Variants in ITPR1 observed in about 807,000 individuals in gnomAD.
ITPR1 encodes inositol 1,4,5-trisphosphate receptor type 1.
ITPR1 carries 96 observed loss-of-function variants against 318.4 expected under a neutral mutation model. The observed-to-expected ratio is 0.30, with a 90% CI of 0.26 to 0.36. The LOEUF (loss-of-function observed/expected upper bound fraction) is 0.36, where lower values mean the gene tolerates loss of function less well. ITPR1 is among the 10% of genes least tolerant of loss of function. The pLI, the probability that ITPR1 is intolerant of heterozygous loss-of-function variation, is 1.00. For missense variants in ITPR1, 2,440 were observed against 3,460.2 expected, an observed-to-expected ratio of 0.71 and a Z score of 7.40; for synonymous variants, 1,312 against 1,289.9, an observed-to-expected ratio of 1.02 and a Z score of -0.37.
chr3:4,563,620 C>G (rs141780072), intron 4 of ITPR1, among the ~76,000 whole-genome samples: 1 of 152,172 alleles, frequency 6.6e-6, no homozygotes, highest in African/African-American at 2.4e-5. Flanking sequence ...TGATTTCCTA[C>G]GAAATTGCAG....
chr3:4,668,540 TCACTGCAACCTC>T (rs2094001551), intron 18 of ITPR1, among the ~76,000 whole-genome samples: 1 of 152,038 alleles, frequency 6.6e-6, no homozygotes, highest in African/African-American at 2.4e-5. Context: ...AGATCTCAGC[TCACTGCAACCTC>T]CGCCTCCCGG....
At chr3:4,510,051 G>A (rs755071574) in intron 2 of ITPR1, among the ~76,000 whole-genome samples, 6 of 152,206 alleles carry the variant, frequency 3.9e-5, no homozygotes, top group Admixed American at 1.3e-4. Flanking sequence ...TGTTGGAAAC[G>A]TATAACCCAG....
At chr3:4,721,172 G>GTATATATATA (rs5846332) in intron 40 of ITPR1, among the ~76,000 whole-genome samples, 1,434 of 124,784 alleles carry the variant, frequency 0.011, 24 homozygotes, top group African/African-American at 0.021. Context: ...GTGTGTGCGT[G>GTATATATATA]TATATATATA....
rs979473411 is a variant in ITPR1 at position 4,733,316 on chromosome 3, A to G, written c.5353+96A>G. ...TAACAGGTTGAAATGCTCACAACAG[A>G]TGAATTTGTGTTGCAGGTGTATTTT... On this transcript the variant is annotated intron_variant, in intron 43 of 61. Transcript: ENST00000649015. 1.4e-5 allele frequency: 20 copies of G among 1,420,494 alleles called. No homozygotes were observed. The African/African-American group carries it at 2.1e-4, about 15-fold the overall frequency. The allele number at this position is 1,420,494 out of a possible 1,614,324, so 88.0% of individuals were successfully genotyped here.
At chr3:4,829,501 G>A (rs2106527122) in intron 60 of ITPR1, among the ~76,000 whole-genome samples, 1 of 152,144 alleles carries the variant, frequency 6.6e-6, no homozygotes, top group African/African-American at 2.4e-5. Context: ...ATAAAAGGAT[G>A]ATAATTTTTT....
In ITPR1 at chr3:4,588,318, C is replaced by G. The variant is rs535878834; in HGVS notation, c.164-39445C>G. ...TTGCAGACTTTTTTCTTTGAGTGTA[C>G]TTACGTATGTGCATACCTGTTTCTT... On this transcript the variant is annotated intron_variant, in intron 4 of 61. Transcript: ENST00000649015. 9.2e-4 allele frequency among the ~76,000 whole-genome samples: 140 copies of G among 152,070 alleles called. 1 individual carries two copies. The highest frequency in any genetic ancestry group is 1.0e-3 in the Non-Finnish European group (68 of 67,984).
intron 4 of ITPR1, among the ~76,000 whole-genome samples, chr3:4,589,895 G>T (rs1236701407): frequency 6.6e-6 from 1 of 152,116 alleles, no homozygotes; most frequent in Non-Finnish European, 1.5e-5. Context: ...GCCCCTGCCT[G>T]CCTCTGGAAG....
chr3:4,713,303 A>AT (rs1360160708), intron 39 of ITPR1, among the ~76,000 whole-genome samples: 3 of 152,204 alleles, frequency 2.0e-5, no homozygotes, highest in East Asian at 3.8e-4. Flanking sequence ...ATAAAACCTG[A>AT]TTTTTCAAAT....
intron 4 of ITPR1, among the ~76,000 whole-genome samples, chr3:4,533,297 G>A (rs935446058): frequency 1.3e-5 from 2 of 152,226 alleles, no homozygotes; most frequent in Non-Finnish European, 2.9e-5. Context: ...GATGTCCTGG[G>A]GAGACACTAC....
chr3:4,644,237 A>G lies in ITPR1; in HGVS notation c.624+3A>G. 2 of 1,591,874 alleles carry G rather than the reference A, an allele frequency of 1.3e-6. No individual in the cohort carries two copies. Among genetic ancestry groups the G allele is most frequent in the Non-Finnish European group, 1.7e-6 (2 of 1,165,562 alleles). Reference sequence around the variant, plus strand: ...TAGATAACCCAGGCTGCAATGAGGTAAGGACATTGAGTTATGTGTGTGGGT... The same window carrying G: ...TAGATAACCCAGGCTGCAATGAGGTGAGGACATTGAGTTATGTGTGTGGGT... On this transcript the variant is annotated splice_donor_region_variant and intron_variant, in intron 8 of 61. Transcript: ENST00000649015.
intron 60 of ITPR1, 39 bp from the exon 61 acceptor site, chr3:4,836,735 C>CTT (rs201029025): frequency 2.1e-3 from 2,204 of 1,067,368 alleles, no homozygotes; most frequent in Non-Finnish European, 2.2e-3. Flanking sequence ...GTGACTCAGT[C>CTT]TTTTTTTTTT....
At chr3:4,741,045 G>A (rs557226247) in intron 44 of ITPR1, among the ~76,000 whole-genome samples, 27 of 152,220 alleles carry the variant, frequency 1.8e-4, no homozygotes, top group Admixed American at 1.4e-3. Flanking sequence ...TTTCATATCC[G>A]TCCTTCGAGT....
intron 4 of ITPR1, among the ~76,000 whole-genome samples, chr3:4,607,954 G>T (rs1049902817): frequency 6.6e-6 from 1 of 152,082 alleles, no homozygotes; most frequent in Non-Finnish European, 1.5e-5. Context: ...ATTCAGGCTC[G>T]TCCATCTGCC....
chr3:4,755,692 G>A (rs1392822641), intron 44 of ITPR1, among the ~76,000 whole-genome samples: 1 of 152,206 alleles, frequency 6.6e-6, no homozygotes, highest in Non-Finnish European at 1.5e-5. Context: ...TAAGAGTGAA[G>A]GAAGGGTTCT....
intron 4 of ITPR1, among the ~76,000 whole-genome samples, chr3:4,556,547 A>G (rs1485703617): frequency 6.7e-6 from 1 of 149,702 alleles, no homozygotes; most frequent in Non-Finnish European, 1.5e-5. Context: ...AGAATGTGAT[A>G]ATGTTAGAAT....
chr3:4,796,436 C>T (rs1160240694), intron 53 of ITPR1, among the ~76,000 whole-genome samples: 2 of 152,036 alleles, frequency 1.3e-5, no homozygotes, highest in Admixed American at 6.5e-5. Context: ...CAGAGGAGTG[C>T]GTGGCAGAGG....
At chr3:4,780,493 AGACGGT>A (rs1223718259) in intron 49 of ITPR1, among the ~76,000 whole-genome samples, 5 of 152,154 alleles carry the variant, frequency 3.3e-5, no homozygotes, top group Non-Finnish European at 5.9e-5. Context: ...CAGCTTTCAG[AGACGGT>A]GACATGAGTT....
At chr3:4,799,249 C>G (rs959153253) in intron 53 of ITPR1, among the ~76,000 whole-genome samples, 1 of 152,200 alleles carries the variant, frequency 6.6e-6, no homozygotes, top group Non-Finnish European at 1.5e-5. Flanking sequence ...GGGCTTGACA[C>G]GATGTCTAAC....
chr3:4,828,311 A>G (rs1325396624), intron 60 of ITPR1, among the ~76,000 whole-genome samples: 1 of 152,214 alleles, frequency 6.6e-6, no homozygotes, highest in Admixed American at 6.5e-5. Flanking sequence ...CCTCATACAT[A>G]GCCACTGGGA....
Sources: gnomAD v4.1 joint callset for allele counts (sites outside exome capture counted in the v4.1 genomes callset) on GRCh38, gnomAD v4.1.1 for gene constraint, MANE v1.5 for transcripts, NCBI Gene and HGNC (gene_info 2026-07-23, HGNC 2026-07-21) for gene names.